Variants in SLC25A13 observed in about 807,000 individuals in gnomAD.
SLC25A13 encodes the protein electrogenic aspartate/glutamate antiporter SLC25A13, mitochondrial.
In SLC25A13, 70 loss-of-function variants were observed where a neutral mutation model predicts 85.5. The observed-to-expected ratio is 0.82, with a 90% CI of 0.68 to 1.00. SLC25A13 has a LOEUF of 1.00. Ranked by LOEUF, SLC25A13 falls within the 50% of genes least tolerant of loss-of-function variation. The pLI is 0.00. For missense variants in SLC25A13, 765 were observed against 819.8 expected, an observed-to-expected ratio of 0.93 and a Z score of 0.82; for synonymous variants, 259 against 288.7, an observed-to-expected ratio of 0.90 and a Z score of 1.04.
At position 96,314,313 on chromosome 7, in the gene SLC25A13, C is replaced by G. The variant is rs190493492; in HGVS notation, c.15+7629G>C. ...GAGGCCAGAAATGAGGACAAGCCAA[C>G]AGGTTTAGAACTGAGGTTACTGGTG... is the stretch of plus-strand genomic sequence containing the variant. On this transcript the variant is annotated intron_variant, in intron 1 of 17. Coordinates refer to ENST00000265631, the MANE Select transcript of SLC25A13 (RefSeq NM_014251.3). Among the ~76,000 whole-genome samples, 22 of 152,170 alleles carry G rather than the reference C, an allele frequency of 1.4e-4. No homozygotes were observed. In the East Asian group the frequency reaches 4.3e-3, roughly 29 times the overall value.
chr7:96,141,185 G>A (rs1005645355), intron 14 of SLC25A13, among the ~76,000 whole-genome samples: 10 of 151,930 alleles, frequency 6.6e-5, no homozygotes, highest in East Asian at 3.9e-4. Context: ...ACCATGCCCC[G>A]CTAACTTATA....
At chr7:96,247,662 T>C (rs1234250842) in intron 3 of SLC25A13, among the ~76,000 whole-genome samples, 1 of 152,138 alleles carries the variant, frequency 6.6e-6, no homozygotes, top group African/African-American at 2.4e-5. Flanking sequence ...TAGGAATAAA[T>C]ACAAAGTATG....
At chr7:96,304,880 A>T (rs1323516370) in intron 1 of SLC25A13, among the ~76,000 whole-genome samples, 3 of 152,244 alleles carry the variant, frequency 2.0e-5, no homozygotes, top group Admixed American at 2.0e-4. Flanking sequence ...GTTGGTACAA[A>T]ATGTATGATG....
intron 5 of SLC25A13, among the ~76,000 whole-genome samples, chr7:96,195,916 T>C (rs1795042868): frequency 6.6e-6 from 1 of 152,212 alleles, no homozygotes; most frequent in African/African-American, 2.4e-5. Context: ...TGATCTTACA[T>C]CATAATCAGT....
rs779968341 is a variant in SLC25A13 at position 96,121,152 on chromosome 7, T to C, written c.*39A>G. 2 of 1,603,318 alleles carry C rather than the reference T, an allele frequency of 1.2e-6. No homozygotes were observed. The highest frequency in any genetic ancestry group is 8.5e-7 in the Non-Finnish European group (1 of 1,170,154). On this transcript the variant is annotated 3_prime_UTR_variant, in exon 18 of 18. Transcript: ENST00000265631. ...CCAGGAGGGATGTTCTTTACTGCAGTACCCACAAAAAGACAGCACTATCCC... is the reference window on the plus strand; with the variant it reads ...CCAGGAGGGATGTTCTTTACTGCAGCACCCACAAAAAGACAGCACTATCCC...
At chr7:96,300,544 G>C (rs1332072946) in intron 1 of SLC25A13, among the ~76,000 whole-genome samples, 2 of 152,192 alleles carry the variant, frequency 1.3e-5, no homozygotes, top group African/African-American at 4.8e-5. Flanking sequence ...AAATCTAAAT[G>C]ATGGGTAAAC....
intron 5 of SLC25A13, among the ~76,000 whole-genome samples, chr7:96,196,700 C>T (rs1344298461): frequency 6.6e-6 from 1 of 152,146 alleles, no homozygotes; most frequent in African/African-American, 2.4e-5. Flanking sequence ...TTATAAGTTC[C>T]ACAGAAGACA....
intron 11 of SLC25A13, 25 bp from the exon 12 acceptor site, chr7:96,171,549 T>C (rs776409965): frequency 6.3e-7 from 1 of 1,591,854 alleles, no homozygotes; most frequent in East Asian, 2.2e-5. Context: ...AAAGTAGAAG[T>C]ATATTAAATA....
chr7:96,223,389 T>C (rs540566004), intron 4 of SLC25A13, among the ~76,000 whole-genome samples: 21 of 152,330 alleles, frequency 1.4e-4, no homozygotes, highest in Non-Finnish European at 2.6e-4. Context: ...AATAGCATAA[T>C]GCAAGAAAAC....
intron 5 of SLC25A13, among the ~76,000 whole-genome samples, chr7:96,206,039 G>A (rs1795448439): frequency 6.6e-6 from 1 of 152,042 alleles, no homozygotes; most frequent in African/African-American, 2.4e-5. Flanking sequence ...TGTGCTGGCC[G>A]GAACCAACCT....
chr7:96,256,055 TA>T (rs1232259556), intron 3 of SLC25A13, among the ~76,000 whole-genome samples: 2 of 152,062 alleles, frequency 1.3e-5, no homozygotes, highest in Admixed American at 6.6e-5. Context: ...AGGCCGGCCT[TA>T]CAAGAACTCC....
At chr7:96,315,550 C>T (rs1800098405) in intron 1 of SLC25A13, among the ~76,000 whole-genome samples, 1 of 152,082 alleles carries the variant, frequency 6.6e-6, no homozygotes. Flanking sequence ...TAAAAGGGGA[C>T]AGGACTGAGG....
intron 3 of SLC25A13, among the ~76,000 whole-genome samples, chr7:96,237,615 T>C (rs969110622): frequency 1.3e-5 from 2 of 152,038 alleles, no homozygotes; most frequent in African/African-American, 2.4e-5. Context: ...AAAGGAGAGA[T>C]GAGATGTGGG....
chr7:96,122,287 T>C (rs1791546012), intron 15 of SLC25A13, among the ~76,000 whole-genome samples: 1 of 152,236 alleles, frequency 6.6e-6, no homozygotes, highest in South Asian at 2.1e-4. Context: ...TGTTTATCAA[T>C]AACACTACTT....
intron 4 of SLC25A13, among the ~76,000 whole-genome samples, chr7:96,232,956 C>T (rs1796610543): frequency 6.6e-6 from 1 of 152,210 alleles, no homozygotes; most frequent in African/African-American, 2.4e-5. Flanking sequence ...TCATTTTCTT[C>T]TAATCACACT....
intron 5 of SLC25A13, among the ~76,000 whole-genome samples, chr7:96,200,013 A>G (rs1795194332): frequency 6.6e-6 from 1 of 151,986 alleles, no homozygotes; most frequent in Non-Finnish European, 1.5e-5. Flanking sequence ...ATGACAACAA[A>G]AACCCAAAAA....
intron 3 of SLC25A13, among the ~76,000 whole-genome samples, chr7:96,244,727 T>G (rs1056130561): frequency 4.6e-5 from 7 of 152,340 alleles, no homozygotes; most frequent in African/African-American, 1.7e-4. Flanking sequence ...GCTCTTCAGC[T>G]CTACTATGTA....
chr7:96,128,815 G>A (rs1270002122), intron 15 of SLC25A13, among the ~76,000 whole-genome samples: 1 of 150,632 alleles, frequency 6.6e-6, no homozygotes, highest in African/African-American at 2.5e-5. Flanking sequence ...ATGCTCTATA[G>A]TAAGTGAGGC....
At chr7:96,321,903 CG>C in intron 1 of SLC25A13, 38 bp downstream of exon 1, 1 of 1,523,972 alleles carries the variant, frequency 6.6e-7, no homozygotes, top group South Asian at 1.2e-5. Flanking sequence ...CAGGCTGATC[CG>C]GCAGGCGCGC....
Sources: allele counts gnomAD v4.1 joint callset (sites outside exome capture counted in the v4.1 genomes callset), GRCh38; gene constraint gnomAD v4.1.1; transcripts MANE v1.5; gene names NCBI Gene and HGNC (gene_info 2026-07-23, HGNC 2026-07-21).